The following FARP1 variants were observed in gnomAD, a reference collection of about 807,000 sequenced individuals.
The protein encoded by FARP1 is FERM, ARH/RhoGEF and pleckstrin domain protein 1.
A neutral mutation model predicts 128.8 loss-of-function variants in FARP1; 52 were observed. That is an observed-to-expected ratio of 0.40 (90% CI 0.32 to 0.51). The LOEUF (loss-of-function observed/expected upper bound fraction) is 0.51, where lower values mean the gene tolerates loss of function less well. FARP1 is among the 20% of genes least tolerant of loss of function. The pLI is 0.45. For missense variants in FARP1, 1,333 were observed against 1,367.9 expected, an observed-to-expected ratio of 0.97 and a Z score of 0.40; for synonymous variants, 580 against 551.8, an observed-to-expected ratio of 1.05 and a Z score of -0.72.
intron 1 of FARP1, among the ~76,000 whole-genome samples, chr13:98,164,514 T>C (rs910240590): frequency 6.6e-6 from 1 of 152,238 alleles, no homozygotes; most frequent in African/African-American, 2.4e-5. Context: ...GATTTGTATT[T>C]GATTAAACAA....
At chr13:98,443,848 G>A (rs1892636880) in intron 24 of FARP1, among the ~76,000 whole-genome samples, 1 of 152,396 alleles carries the variant, frequency 6.6e-6, no homozygotes, top group Admixed American at 6.5e-5. Context: ...AGGACTGGGA[G>A]GAGGGAAGGG....
chr13:98,173,242 C>A lies in FARP1; in HGVS notation c.-24+29750C>A, dbSNP rs370454766. Reference sequence around the variant, plus strand: ...TTTGTTCTTGAGAGTTCTGTCCTTGCAAAACAGGAGAGGAATTTTTATGGG... The same window carrying A: ...TTTGTTCTTGAGAGTTCTGTCCTTGAAAAACAGGAGAGGAATTTTTATGGG... On this transcript the variant is annotated intron_variant, in intron 1 of 26. Transcript: ENST00000319562. Among the ~76,000 whole-genome samples, 12 of 152,214 alleles carry A rather than the reference C, an allele frequency of 7.9e-5. No homozygotes were observed. In the South Asian group the frequency reaches 2.1e-3, roughly 26 times the overall value.
At chr13:98,221,610 G>C (rs1395303469) in intron 2 of FARP1, among the ~76,000 whole-genome samples, 3 of 152,184 alleles carry the variant, frequency 2.0e-5, no homozygotes, top group Non-Finnish European at 2.9e-5. Flanking sequence ...TAATCAACTT[G>C]AAAATTGAGG....
chr13:98,164,100 G>T (rs1278025290), intron 1 of FARP1, among the ~76,000 whole-genome samples: 1 of 151,988 alleles, frequency 6.6e-6, no homozygotes, highest in Non-Finnish European at 1.5e-5. Flanking sequence ...GAATAATCCT[G>T]TTGGCACTAA....
chr13:98,351,549 T>A (rs1484826242), intron 3 of FARP1, among the ~76,000 whole-genome samples: 1 of 146,602 alleles, frequency 6.8e-6, no homozygotes, highest in African/African-American at 2.5e-5. Flanking sequence ...GAGGCGGAGC[T>A]CGCAGTGAGC....
intron 2 of FARP1, among the ~76,000 whole-genome samples, chr13:98,246,042 G>A (rs1330373880): frequency 6.9e-6 from 1 of 144,178 alleles, no homozygotes. Context: ...CTCCCAAAGT[G>A]TTGGGATTAC....
chr13:98,166,754 G>T (rs285091), intron 1 of FARP1, among the ~76,000 whole-genome samples: 3 of 146,982 alleles, frequency 2.0e-5, no homozygotes, highest in Admixed American at 1.4e-4. Flanking sequence ...ACAGGGTCTC[G>T]TTCTGTCACT....
Position 98,439,985 on chromosome 13 carries a change from G to C in FARP1, c.2458G>C (p.Gly820Arg). 2 of 1,591,350 alleles carry C rather than the reference G, an allele frequency of 1.3e-6. No homozygotes were observed. Residue 820 changes from glycine (G) to arginine (R), a missense_variant, in exon 22 of 27, where the codon GGG becomes CGG. By Grantham distance (125) the Gly-to-Arg change is moderately radical. Transcript: ENST00000319562. ...GATTGAGGAGAGCGAAGACGAGTGG[G>C]GGGTGCCCCACTGCCTGACCCTCCG... ...MTIEESEDEW[G>R]VPHCLTLRGQ...
chr13:98,257,366 G>A (rs1330477396), intron 2 of FARP1, among the ~76,000 whole-genome samples: 1 of 152,082 alleles, frequency 6.6e-6, no homozygotes, highest in Non-Finnish European at 1.5e-5. Flanking sequence ...GTCTAATTTT[G>A]TCAAAAATAC....
chr13:98,187,934 A>C (rs1878984323), intron 1 of FARP1, among the ~76,000 whole-genome samples: 1 of 152,238 alleles, frequency 6.6e-6, no homozygotes, highest in Non-Finnish European at 1.5e-5. Context: ...GGAGTCAGTC[A>C]ATCATGAAGA....
chr13:98,281,986 T>G (rs988214452), intron 2 of FARP1, among the ~76,000 whole-genome samples: 1 of 152,196 alleles, frequency 6.6e-6, no homozygotes, highest in African/African-American at 2.4e-5. Context: ...ATCAGCCGAG[T>G]ACTTTACTCC....
intron 1 of FARP1, among the ~76,000 whole-genome samples, chr13:98,174,999 G>A (rs1877899791): frequency 6.6e-6 from 1 of 152,144 alleles, no homozygotes; most frequent in African/African-American, 2.4e-5. Context: ...GTGGTTCAAG[G>A]TCAAAATCAC....
At chr13:98,331,689 C>T (rs1471138753) in intron 2 of FARP1, 3 of 152,304 alleles carry the variant, frequency 2.0e-5, no homozygotes, top group Admixed American at 1.3e-4. Flanking sequence ...ATTTAACTCT[C>T]ACAACCACTC....
chr13:98,451,555 C>G lies in FARP1; in HGVS notation c.*3238C>G, dbSNP rs911603859. The stretch of plus-strand genomic sequence containing the variant: ...TAGCAAACCGACACAATAACCCACT[C>G]AAGCATCTGTAGCTCAGGGCTCTGT... On this transcript the variant is annotated 3_prime_UTR_variant, in exon 27 of 27. Coordinates refer to ENST00000319562, the MANE Select transcript of FARP1 (RefSeq NM_005766.4). 1 of 152,166 alleles carries G rather than the reference C, an allele frequency of 6.6e-6. No individual in the cohort carries two copies. The highest frequency in any genetic ancestry group is 1.5e-5 in the Non-Finnish European group (1 of 68,034). 9.4% of individuals were successfully genotyped at this position (152,166 alleles called of 1,614,324 possible).
chr13:98,159,728 C>A (rs1455276800), intron 1 of FARP1: 1 of 152,300 alleles, frequency 6.6e-6, no homozygotes, highest in Admixed American at 6.5e-5. Context: ...ACCTCGGCCT[C>A]CCAAAGTGCT....
intron 1 of FARP1, among the ~76,000 whole-genome samples, chr13:98,184,959 C>T (rs1434770431): frequency 2.0e-5 from 3 of 152,160 alleles, no homozygotes; most frequent in East Asian, 1.9e-4. Flanking sequence ...TGCCAGTTTC[C>T]GTGGTGTAAA....
At chr13:98,263,726 A>G (rs901691111) in intron 2 of FARP1, among the ~76,000 whole-genome samples, 2 of 152,204 alleles carry the variant, frequency 1.3e-5, no homozygotes, top group Non-Finnish European at 2.9e-5. Context: ...ACCATGGTAC[A>G]CCCATCAAGT....
chr13:98,411,693 T>TA (rs1430735778), intron 15 of FARP1, among the ~76,000 whole-genome samples: 10 of 152,178 alleles, frequency 6.6e-5, no homozygotes, highest in Non-Finnish European at 1.0e-4. Flanking sequence ...AAAGCAGTAA[T>TA]ATACAGATGG....
At chr13:98,383,345 A>C (rs1889962580) in intron 6 of FARP1, among the ~76,000 whole-genome samples, 1 of 152,198 alleles carries the variant, frequency 6.6e-6, no homozygotes, top group African/African-American at 2.4e-5. Context: ...ATCAGTCCAG[A>C]AAAGGCAATT....
Sources: allele counts gnomAD v4.1 joint callset (sites outside exome capture counted in the v4.1 genomes callset), GRCh38; gene constraint gnomAD v4.1.1; transcripts MANE v1.5; gene names NCBI Gene and HGNC (gene_info 2026-07-23, HGNC 2026-07-21).